Variants in MYRIP observed in about 807,000 individuals in gnomAD.
MYRIP encodes rab effector MyRIP.
In MYRIP, 49 loss-of-function variants were observed where a neutral mutation model predicts 98.0. That is an observed-to-expected ratio of 0.50 (90% CI 0.40 to 0.63). MYRIP has a LOEUF of 0.63. Among genes scored for constraint, MYRIP ranks in the 30% least tolerant of loss-of-function variants. The pLI is 0.00. For synonymous variants in MYRIP, 404 were observed against 409.5 expected (o/e 0.99, Z 0.16); for missense variants, 1,004 against 1,058.2 (o/e 0.95, Z 0.71).
At chr3:40,175,975 A>T (rs531861537) in intron 8 of MYRIP, among the ~76,000 whole-genome samples, 206 of 152,370 alleles carry the variant, frequency 1.4e-3, no homozygotes, top group Admixed American at 2.9e-3. Flanking sequence ...GTGAGGAACA[A>T]CCATTGCTTG....
intron 16 of MYRIP, among the ~76,000 whole-genome samples, chr3:40,257,781 T>C (rs1288369449): frequency 6.6e-6 from 1 of 152,152 alleles, no homozygotes; most frequent in Non-Finnish European, 1.5e-5. Context: ...CAGAAATAGA[T>C]ACAACCACAT....
chr3:39,941,831 G>C, intron 2 of MYRIP, among the ~76,000 whole-genome samples: 1 of 151,734 alleles, frequency 6.6e-6, no homozygotes, highest in East Asian at 1.9e-4. Context: ...TTCTCCAATT[G>C]GTTTTTCTTA....
chr3:40,016,011 G>A (rs1239852118), intron 2 of MYRIP, among the ~76,000 whole-genome samples: 1 of 151,940 alleles, frequency 6.6e-6, no homozygotes, highest in African/African-American at 2.4e-5. Context: ...GGGCAAAGGT[G>A]GCCATGCCCT....
chr3:40,142,047 A>ATTTTTTTT (rs768094065), intron 3 of MYRIP, among the ~76,000 whole-genome samples: 1 of 95,950 alleles, frequency 1.0e-5, no homozygotes, highest in Non-Finnish European at 2.0e-5. Context: ...TATGCTGTTG[A>ATTTTTTTT]TTTTTTTTTT....
chr3:40,113,839 A>G (rs970762831), intron 3 of MYRIP, among the ~76,000 whole-genome samples: 1 of 151,860 alleles, frequency 6.6e-6, no homozygotes, highest in Admixed American at 6.6e-5. Context: ...ACAGGCGCCC[A>G]CCACCACGCC....
In MYRIP at chr3:40,166,902, G is replaced by C. The variant is rs1165288783; in HGVS notation, c.607G>C (p.Glu203Gln). 6.2e-7 allele frequency: 1 copy of C among 1,614,118 alleles called. No homozygotes were observed. Among genetic ancestry groups the C allele is most frequent in the Non-Finnish European group, 8.5e-7 (1 of 1,180,002 alleles). Residue 203 changes from glutamate (E) to glutamine (Q), a missense_variant, in exon 6 of 17, where the codon GAG (glutamate) becomes CAG (glutamine). Physicochemically the swap from Glu to Gln is conservative, Grantham distance 29 (BLOSUM62 2). This residue lies in a region of MYRIP where 880 missense variants were observed against 907.7 expected (regional missense o/e 0.97). Coordinates refer to ENST00000302541, the MANE Select transcript of MYRIP (RefSeq NM_015460.4). ...CCTACGGGTGGCTGAAGAGGCCATT[G>C]AGGAAGCAATTTCCAAAGCAGAGGC... The part of the protein sequence containing the change: ...VALRVAEEAI[E>Q]EAISKAEAYG...
intron 2 of MYRIP, among the ~76,000 whole-genome samples, chr3:39,988,885 A>T (rs1946103179): frequency 6.6e-6 from 1 of 151,116 alleles, no homozygotes; most frequent in African/African-American, 2.4e-5. Context: ...TTCCTGTCTA[A>T]ACTGGTTATT....
intron 3 of MYRIP, among the ~76,000 whole-genome samples, chr3:40,147,628 T>G (rs1026696682): frequency 6.6e-6 from 1 of 152,206 alleles, no homozygotes; most frequent in Non-Finnish European, 1.5e-5. Context: ...CTTCTTCTAC[T>G]CAGTTAGTTT....
chr3:40,214,785 G>C (rs1005535783), intron 11 of MYRIP, among the ~76,000 whole-genome samples: 51 of 152,182 alleles, frequency 3.4e-4, no homozygotes, highest in Non-Finnish European at 2.8e-4. Flanking sequence ...GGTTCTGGAA[G>C]AAAGTCCTGG....
chr3:40,029,221 G>A (rs1209444824), intron 2 of MYRIP, among the ~76,000 whole-genome samples: 2 of 152,160 alleles, frequency 1.3e-5, no homozygotes, highest in Admixed American at 6.5e-5. Context: ...CTAAGGGACT[G>A]AATAACATCT....
At chr3:39,887,367 C>T (rs1943337027) in intron 1 of MYRIP, among the ~76,000 whole-genome samples, 1 of 151,930 alleles carries the variant, frequency 6.6e-6, no homozygotes, top group African/African-American at 2.4e-5. Context: ...AATAGAGACA[C>T]AAAAAACCAT....
chr3:39,933,243 C>T (rs1944581343), intron 2 of MYRIP, among the ~76,000 whole-genome samples: 1 of 152,168 alleles, frequency 6.6e-6, no homozygotes, highest in African/African-American at 2.4e-5. Flanking sequence ...TGGAACACAG[C>T]CACTCCACTT....
chr3:40,011,867 A>T lies in MYRIP; in HGVS notation c.111-32183A>T, dbSNP rs148129122. ...AAGGTACCCTAGTTCAGTGATTTGC[A>T]ATCTAAGTAGAGGAATCCATTTAAA... On this transcript the variant is annotated intron_variant, in intron 2 of 16. Transcript: ENST00000302541. 9.4e-3 allele frequency among the ~76,000 whole-genome samples: 1,427 copies of T among 152,314 alleles called. 23 individuals carry two copies. The highest frequency in any genetic ancestry group is 0.032 in the African/African-American group (1,313 of 41,564).
intron 1 of MYRIP, among the ~76,000 whole-genome samples, chr3:39,826,815 C>T (rs1342759842): frequency 6.6e-6 from 1 of 152,088 alleles, no homozygotes; most frequent in Non-Finnish European, 1.5e-5. Flanking sequence ...TATTTAGATG[C>T]TCCAGTATTG....
In MYRIP at chr3:39,986,400, T is replaced by TCTCTCTCTTC. The variant is rs1170128979; in HGVS notation, c.111-57642_111-57641insTCCTCTCTCT. On this transcript the variant is annotated intron_variant, in intron 2 of 16. Coordinates refer to ENST00000302541, the MANE Select transcript of MYRIP (RefSeq NM_015460.4). Reference sequence around the variant, plus strand: ...AAACATTTCTCTCTGTCTCTCTCTTTCTCTCTCTCTTCCTCCCCACTCCCT... The same window carrying TCTCTCTCTTC: ...AAACATTTCTCTCTGTCTCTCTCTTTCTCTCTCTTCCTCTCTCTCTTCCTCCCCACTCCCT... 1.1e-3 allele frequency among the ~76,000 whole-genome samples: 169 copies of TCTCTCTCTTC among 152,086 alleles called. 1 individual carries two copies. The highest frequency in any genetic ancestry group is 3.8e-3 in the African/African-American group (159 of 41,450).
At chr3:39,915,608 A>C (rs554487895) in intron 2 of MYRIP, among the ~76,000 whole-genome samples, 1 of 152,116 alleles carries the variant, frequency 6.6e-6, no homozygotes, top group Admixed American at 6.5e-5. Flanking sequence ...CTCCAACCAA[A>C]GTAAAAGGGA....
At chr3:40,147,712 G>C (rs1950038246) in intron 3 of MYRIP, among the ~76,000 whole-genome samples, 1 of 152,146 alleles carries the variant, frequency 6.6e-6, no homozygotes, top group South Asian at 2.1e-4. Context: ...TTTTGGTTTT[G>C]ATTTTCTGAA....
intron 2 of MYRIP, among the ~76,000 whole-genome samples, chr3:39,945,865 T>G (rs1293943099): frequency 6.6e-6 from 1 of 152,128 alleles, no homozygotes; most frequent in Non-Finnish European, 1.5e-5. Flanking sequence ...ACTAATATTC[T>G]GAGTATAAAG....
chr3:40,028,132 CTG>C (rs1947177990), intron 2 of MYRIP, among the ~76,000 whole-genome samples: 2 of 152,144 alleles, frequency 1.3e-5, no homozygotes, highest in Admixed American at 6.5e-5. Context: ...TCCATTGAGC[CTG>C]TGTGTGTCCT....
Sources: gnomAD v4.1 joint callset for allele counts (sites outside exome capture counted in the v4.1 genomes callset) on GRCh38, gnomAD v4.1.1 for gene constraint, gnomAD v4.1.1 regional missense constraint, MANE v1.5 for transcripts, NCBI Gene and HGNC (gene_info 2026-07-23, HGNC 2026-07-21) for gene names.